Variants in RANBP2 observed in about 807,000 individuals in gnomAD.
The protein encoded by RANBP2 is E3 SUMO-protein ligase RanBP2.
In RANBP2, 57 loss-of-function variants were observed where a neutral mutation model predicts 303.6. The ratio of observed to expected loss-of-function variants is 0.19; its 90% confidence interval spans 0.15 to 0.23. The LOEUF is 0.23. Ranked by LOEUF, RANBP2 falls within the 10% of genes least tolerant of loss-of-function variation. RANBP2 has a pLI of 1.00. For synonymous variants in RANBP2, 1,167 were observed against 1,301.5 expected, an observed-to-expected ratio of 0.90 and a Z score of 2.23; for missense variants, 3,138 against 3,780.8, an observed-to-expected ratio of 0.83 and a Z score of 4.46.
the RANBP2 span, among the ~76,000 whole-genome samples, chr2:109,246,641 A>G: frequency 6.6e-6 from 1 of 152,168 alleles, no homozygotes; most frequent in East Asian, 1.9e-4. Flanking sequence ...ATCTCCCTGC[A>G]CGTGTCTTAT....
At chr2:109,549,992 T>G in the RANBP2 span, among the ~76,000 whole-genome samples, 1 of 152,144 alleles carries the variant, frequency 6.6e-6, no homozygotes. Context: ...ACACTACTTT[T>G]AAGGACACGA....
At chr2:109,760,693 C>T in the RANBP2 span, among the ~76,000 whole-genome samples, 2 of 145,834 alleles carry the variant, frequency 1.4e-5, no homozygotes, top group Non-Finnish European at 3.0e-5. Context: ...GCGGTAGCGG[C>T]GGCGGCGACG....
chr2:109,174,683 T>C, the RANBP2 span, among the ~76,000 whole-genome samples: 1 of 152,224 alleles, frequency 6.6e-6, no homozygotes, highest in African/African-American at 2.4e-5. Flanking sequence ...GAAGATGATA[T>C]TTTCAGGATA....
At chr2:108,820,699 C>CAAAAAAA in the RANBP2 span, among the ~76,000 whole-genome samples, 60 of 62,566 alleles carry the variant, frequency 9.6e-4, no homozygotes, top group African/African-American at 2.9e-3. Context: ...ATTCAAAGTG[C>CAAAAAAA]AAAAAAAAAA....
the RANBP2 span, among the ~76,000 whole-genome samples, chr2:109,478,715 G>A: frequency 7.9e-5 from 12 of 152,180 alleles, no homozygotes; most frequent in African/African-American, 2.9e-4. Context: ...GAGAGTCTGA[G>A]CTCGTAGGTA....
At chr2:108,831,510 T>C in the RANBP2 span, among the ~76,000 whole-genome samples, 15 of 152,276 alleles carry the variant, frequency 9.9e-5, no homozygotes, top group Admixed American at 8.5e-4. Flanking sequence ...AAGTGAAATT[T>C]TTTCATGAAA....
chr2:109,090,330 A>C, the RANBP2 span, among the ~76,000 whole-genome samples: 2 of 142,870 alleles, frequency 1.4e-5, no homozygotes, highest in African/African-American at 2.6e-5. Context: ...ACACACACAC[A>C]CACACACACA....
the RANBP2 span, among the ~76,000 whole-genome samples, chr2:109,114,612 C>T: frequency 1.3e-5 from 2 of 151,662 alleles, no homozygotes; most frequent in Admixed American, 1.3e-4. Flanking sequence ...TTTTGAAGGG[C>T]TTTTTGTGTC....
the RANBP2 span, among the ~76,000 whole-genome samples, chr2:108,927,531 T>G: frequency 1.3e-5 from 2 of 152,308 alleles, no homozygotes; most frequent in East Asian, 1.9e-4. Context: ...CGGGTACTGA[T>G]GGACACCTTC....
the RANBP2 span, chr2:108,839,247 G>A: frequency 5.0e-6 from 8 of 1,612,752 alleles, no homozygotes; most frequent in South Asian, 5.5e-5. Context: ...AACTTCACGA[G>A]CCTTTTGTAA....
chr2:109,232,088 T>C, the RANBP2 span, among the ~76,000 whole-genome samples: 1 of 152,242 alleles, frequency 6.6e-6, no homozygotes, highest in African/African-American at 2.4e-5. Flanking sequence ...ACAATGCCGC[T>C]ACAAGTATTT....
chr2:108,753,920 C>T lies in RANBP2; in HGVS notation c.2151C>T (p.Tyr717=), dbSNP rs1290036930. 1 of 1,611,892 alleles carries T rather than the reference C, an allele frequency of 6.2e-7. No homozygotes were observed. The highest frequency in any genetic ancestry group is 2.2e-5 in the East Asian group (1 of 44,862). ...ATTATCTGAGAAAGACCAGGGACTA[C>T]CTAATAAAGATTATAGATGACAGTG... ...CKNYLRKTRD[Y]LIKIIDDSDS... The change falls in exon 15 of 29, where the codon TAC becomes TAT. Residue 717 remains tyrosine, a synonymous_variant. Transcript: ENST00000283195.
chr2:108,821,018 T>TAAA, the RANBP2 span, among the ~76,000 whole-genome samples: 2 of 151,908 alleles, frequency 1.3e-5, no homozygotes, highest in African/African-American at 4.8e-5. Context: ...ACAAAAGTAT[T>TAAA]AAAAAAAACT....
the RANBP2 span, among the ~76,000 whole-genome samples, chr2:108,841,979 C>T: frequency 2.6e-5 from 4 of 152,040 alleles, no homozygotes; most frequent in African/African-American, 9.7e-5. Context: ...GAGAGTACCC[C>T]TCCAATGATT....
the RANBP2 span, chr2:108,813,000 A>G: frequency 1.6e-6 from 2 of 1,278,988 alleles, no homozygotes; most frequent in Admixed American, 3.8e-5. Context: ...CTGTAATCCC[A>G]GCACTTTGGG....
At chr2:109,218,237 A>G in the RANBP2 span, among the ~76,000 whole-genome samples, 1 of 152,082 alleles carries the variant, frequency 6.6e-6, no homozygotes, top group South Asian at 2.1e-4. Flanking sequence ...TTCATGTGGC[A>G]TGGCACAAAA....
chr2:109,401,014 G>T, the RANBP2 span, among the ~76,000 whole-genome samples: 1 of 152,236 alleles, frequency 6.6e-6, no homozygotes, highest in Admixed American at 6.5e-5. Context: ...GTGACCCAGT[G>T]GCGGACCAGT....
chr2:109,276,116 A>T, the RANBP2 span, among the ~76,000 whole-genome samples: 2 of 152,288 alleles, frequency 1.3e-5, no homozygotes, highest in East Asian at 3.9e-4. Flanking sequence ...CAGTGATGGT[A>T]GAAGGCATTC....
chr2:109,226,793 G>C, the RANBP2 span, among the ~76,000 whole-genome samples: 1 of 152,292 alleles, frequency 6.6e-6, no homozygotes, highest in East Asian at 1.9e-4. Flanking sequence ...AGGAACTTGT[G>C]GCTTAGTAAG....
Sources: gnomAD v4.1 joint callset for allele counts (sites outside exome capture counted in the v4.1 genomes callset) on GRCh38, gnomAD v4.1.1 for gene constraint, MANE v1.5 for transcripts, NCBI Gene and HGNC (gene_info 2026-07-23, HGNC 2026-07-21) for gene names.